ATAD2: variants seen among roughly 807,000 people sequenced by gnomAD.
ATAD2 encodes ATPase family AAA domain-containing protein 2.
Under a neutral mutation model 168.9 loss-of-function variants are expected in ATAD2, and 62 were observed. That is an observed-to-expected ratio of 0.37 (90% CI 0.30 to 0.45). ATAD2 has a LOEUF of 0.45. ATAD2 is among the 20% of genes least tolerant of loss of function. The probability of loss-of-function intolerance (pLI) is 1.00; values close to 1 mark genes in which losing one functional copy is unlikely to be tolerated. For missense variants in ATAD2, 1,419 were observed against 1,667.8 expected (o/e 0.85, Z 2.60); for synonymous variants, 613 against 571.6 (o/e 1.07, Z -1.03).
chr8:123,369,951 A>T lies in ATAD2; in HGVS notation c.801T>A (p.Asp267Glu), dbSNP rs751085403. 1.0e-5 allele frequency: 16 copies of T among 1,567,694 alleles called. No homozygotes were observed. In the African/African-American group the frequency reaches 2.3e-4, roughly 23 times the overall value. The change falls in exon 7 of 28, where the codon GAT becomes GAA. Residue 267 changes from aspartate to glutamate, a missense_variant. By Grantham distance (45) the Asp-to-Glu change is conservative. Transcript: ENST00000287394. The stretch of plus-strand genomic sequence containing the variant: ...CATCATCATCATCATCATCGTCATC[A>T]TCATCATCATCTTCATCATCTTCAT... ...GEDEDDEDDDDDDDDDDDDDD... is the reference protein window; with the variant it reads ...GEDEDDEDDDEDDDDDDDDDD...
chr8:123,372,282 T>C (rs1241738068), intron 3 of ATAD2, among the ~76,000 whole-genome samples: 1 of 152,158 alleles, frequency 6.6e-6, no homozygotes, highest in Non-Finnish European at 1.5e-5. Flanking sequence ...TATATAAAAC[T>C]GTAGATAATA....
chr8:123,406,610 G>C (rs1367062803), intron 1 of ATAD2, among the ~76,000 whole-genome samples: 2 of 151,396 alleles, frequency 1.3e-5, no homozygotes, highest in Non-Finnish European at 2.9e-5. Context: ...TGAGGCCAGA[G>C]ATTCAAGACC....
Position 123,361,654 on chromosome 8 carries a change from A to G in ATAD2, c.1050-8T>C, listed in dbSNP as rs780044956. Reference sequence around the variant, plus strand: ...TGGATTGCATGCCTTCGCCTAAAGTAAAAAACAAAATTGAAATCATGATAA... The same window carrying G: ...TGGATTGCATGCCTTCGCCTAAAGTGAAAAACAAAATTGAAATCATGATAA... On this transcript the variant is annotated splice_region_variant and splice_polypyrimidine_tract_variant and intron_variant, in intron 8 of 27. Transcript: ENST00000287394. 20 of 1,591,422 alleles carry G rather than the reference A, an allele frequency of 1.3e-5. No homozygotes were observed. The highest frequency in any genetic ancestry group is 1.7e-5 in the Admixed American group (1 of 59,632).
chr8:123,403,692 T>C (rs927194026), intron 1 of ATAD2, among the ~76,000 whole-genome samples: 4 of 152,054 alleles, frequency 2.6e-5, no homozygotes, highest in Non-Finnish European at 4.4e-5. Flanking sequence ...GTGAGAATGA[T>C]TGGAAGTAGC....
intron 13 of ATAD2, among the ~76,000 whole-genome samples, chr8:123,354,477 G>A (rs890659512): frequency 1.1e-4 from 16 of 151,926 alleles, no homozygotes; most frequent in Admixed American, 7.2e-4. Context: ...AGGCAGAGAC[G>A]GGTGGATCAC....
intron 1 of ATAD2, among the ~76,000 whole-genome samples, chr8:123,383,021 A>G (rs1026881090): frequency 2.6e-5 from 4 of 152,220 alleles, no homozygotes; most frequent in Non-Finnish European, 4.4e-5. Context: ...CAGCCATAAA[A>G]AGGATGAGTT....
At position 123,325,940 on chromosome 8, in the gene ATAD2, G is replaced by A. The variant is rs751897630; in HGVS notation, c.3955C>T (p.Leu1319Phe). Residue 1319 changes from leucine (L) to phenylalanine (F), a missense_variant, in exon 26 of 28, where the codon CTT becomes TTT. By Grantham distance (22) the Leu-to-Phe change is conservative. This residue lies in a region of ATAD2 where 303 missense variants were observed against 304.3 expected (regional missense o/e 1.00). Transcript: ENST00000287394. Reference sequence around the variant, plus strand: ...ACAAGTGAGGGTGTAGGCTGAGAAAGAATTGCCAAAGCCTTTTCAACAGTG... The same window carrying A: ...ACAAGTGAGGGTGTAGGCTGAGAAAAAATTGCCAAAGCCTTTTCAACAGTG... ...LITVEKALAI[L>F]SQPTPSLVVD... The A allele has an allele frequency of 2.5e-6, 4 of 1,614,126 alleles. No individual in the cohort carries two copies. In the Admixed American group the frequency reaches 5.0e-5, roughly 20 times the overall value.
In ATAD2 at chr8:123,369,149, T is replaced by C. The variant is rs1336645752; in HGVS notation, c.958A>G (p.Ile320Val). ...EKPRHQRKPN[I>V]FYSGPASPAR... ...GGAGAAGCTGGGCCACTATAAAATA[T>C]GTTGGGCTTTCTCTGGTGACGAGGT... The change falls in exon 8 of 28, where the codon ATA becomes GTA. Residue 320 changes from isoleucine (I) to valine (V), a missense_variant. Around this residue, in one of 5 missense-constraint regions of ATAD2, gnomAD observed 419 missense variants for 423.5 expected, o/e 0.99. Coordinates refer to ENST00000287394, the MANE Select transcript of ATAD2 (RefSeq NM_014109.4). 1 of 1,565,180 alleles carries C rather than the reference T, an allele frequency of 6.4e-7. No individual in the cohort carries two copies. The highest frequency in any genetic ancestry group is 1.2e-5 in the South Asian group (1 of 82,506).
At chr8:123,406,760 T>G (rs1813072620) in intron 1 of ATAD2, among the ~76,000 whole-genome samples, 1 of 147,446 alleles carries the variant, frequency 6.8e-6, no homozygotes, top group Non-Finnish European at 1.5e-5. Flanking sequence ...GAGGCTGCAG[T>G]GAGCCGAGAT....
intron 1 of ATAD2, among the ~76,000 whole-genome samples, chr8:123,384,375 T>TTTTG (rs1274890729): frequency 3.3e-5 from 5 of 152,196 alleles, no homozygotes; most frequent in Non-Finnish European, 7.3e-5. Context: ...AGTCTTGATT[T>TTTTG]TTTGTTTGTT....
At chr8:123,371,051 T>C in intron 5 of ATAD2, 61 bp from the exon 6 acceptor site, 2 of 1,322,422 alleles carry the variant, frequency 1.5e-6, no homozygotes, top group Non-Finnish European at 1.0e-6. Context: ...AAAATTAAGT[T>C]GGATCCTCCA....
chr8:123,320,979 G>T lies in ATAD2; in HGVS notation c.*155C>A. The T allele has an allele frequency of 1.5e-6, 1 of 659,480 alleles. No individual in the cohort carries two copies. Among genetic ancestry groups the T allele is most frequent in the Non-Finnish European group, 2.5e-6 (1 of 392,630 alleles). 40.9% of individuals were successfully genotyped at this position (659,480 alleles called of 1,614,324 possible). A position where few individuals can be genotyped will look rare whatever the true frequency, so the allele number is the denominator to read the frequency against. On this transcript the variant is annotated 3_prime_UTR_variant, in exon 28 of 28. Transcript: ENST00000287394. ...TTACACATGACATTTATCTTAATATGTACATAAATATCAGGAAAGTTTAAA... is the reference window on the plus strand; with the variant it reads ...TTACACATGACATTTATCTTAATATTTACATAAATATCAGGAAAGTTTAAA...
chr8:123,398,121 G>A (rs1378915366), upstream of ATAD2, among the ~76,000 whole-genome samples: 1 of 151,826 alleles, frequency 6.6e-6, no homozygotes, highest in Admixed American at 6.6e-5. Flanking sequence ...CGTGGCTGCT[G>A]AATGAAGAAT....
chr8:123,368,286 C>T (rs1829038344), intron 8 of ATAD2, among the ~76,000 whole-genome samples: 1 of 152,026 alleles, frequency 6.6e-6, no homozygotes. Context: ...GGTGTAGTGG[C>T]AGGTACCTGT....
At chr8:123,370,696 G>A (rs1041188067) in intron 6 of ATAD2, among the ~76,000 whole-genome samples, 1 of 152,008 alleles carries the variant, frequency 6.6e-6, no homozygotes, top group Admixed American at 6.6e-5. Context: ...AATATTATTG[G>A]CTTTAGATTG....
Position 123,334,239 on chromosome 8 carries a change from G to C in ATAD2, c.3295C>G (p.Gln1099Glu), listed in dbSNP as rs368797157. The C allele has an allele frequency of 1.2e-6, 2 of 1,602,096 alleles. No individual in the cohort carries two copies. Among genetic ancestry groups the C allele is most frequent in the African/African-American group, 1.3e-5 (1 of 74,184 alleles). Residue 1099 changes from glutamine to glutamate, a missense_variant, in exon 23 of 28, where the codon CAG (glutamine) becomes GAG (glutamate). Around this residue, in one of 5 missense-constraint regions of ATAD2, gnomAD observed 545 missense variants for 724.9 expected, o/e 0.75. Transcript: ENST00000287394. Reference sequence around the variant, plus strand: ...GATTCCTGAATTTCTTCACAGAGCTGCTCAAAGTCTTCATCAAGTTCTTCT... The same window carrying C: ...GATTCCTGAATTTCTTCACAGAGCTCCTCAAAGTCTTCATCAAGTTCTTCT... ...IKEELDEDFE[Q>E]LCEEIQESRK...
intron 1 of ATAD2, among the ~76,000 whole-genome samples, chr8:123,412,552 C>T (rs985775371): frequency 9.9e-5 from 15 of 152,120 alleles, no homozygotes; most frequent in African/African-American, 3.6e-4. Context: ...TTTGCTTCAG[C>T]CTCCTGGGTG....
intron 13 of ATAD2, among the ~76,000 whole-genome samples, chr8:123,351,024 C>T (rs181014536): frequency 6.6e-6 from 1 of 152,226 alleles, no homozygotes; most frequent in Non-Finnish European, 1.5e-5. Context: ...ACGTGAGCCA[C>T]TGCACCCGGC....
chr8:123,411,357 C>T (rs770305935), intron 1 of ATAD2, among the ~76,000 whole-genome samples: 15 of 152,088 alleles, frequency 9.9e-5, no homozygotes, highest in Non-Finnish European at 1.6e-4. Context: ...ACCCCTACTA[C>T]GCCCCAATTC....
Sources: gnomAD v4.1 joint callset for allele counts (sites outside exome capture counted in the v4.1 genomes callset) on GRCh38, gnomAD v4.1.1 for gene constraint, gnomAD v4.1.1 regional missense constraint, MANE v1.5 for transcripts, NCBI Gene and HGNC (gene_info 2026-07-23, HGNC 2026-07-21) for gene names.